IHO1: variants seen among roughly 807,000 people sequenced by gnomAD.
IHO1 encodes interactor of HORMAD1 protein 1.
A neutral mutation model predicts 31.0 loss-of-function variants in IHO1; 13 were observed. That is an observed-to-expected ratio of 0.42 (90% CI 0.27 to 0.67). The LOEUF (loss-of-function observed/expected upper bound fraction) is 0.67. IHO1 is among the 30% of genes least tolerant of loss of function. IHO1 has a pLI of 0.24. For missense variants in IHO1, 599 were observed against 687.5 expected (o/e 0.87, Z 1.44); for synonymous variants, 221 against 248.4 (o/e 0.89, Z 1.04).
chr3:49,200,848 A>G (rs1349256461), intron 1 of IHO1, among the ~76,000 whole-genome samples: 1 of 152,170 alleles, frequency 6.6e-6, no homozygotes, highest in Admixed American at 6.6e-5. Flanking sequence ...CTTTAGAGAG[A>G]TGGGATTTCC....
intron 2 of IHO1, among the ~76,000 whole-genome samples, chr3:49,221,628 G>C (rs923862195): frequency 6.6e-6 from 1 of 152,244 alleles, no homozygotes; most frequent in Non-Finnish European, 1.5e-5. Flanking sequence ...GTCCTCCAGA[G>C]GGGAACTCTC....
chr3:49,257,387 C>CA lies in IHO1; in HGVS notation c.*106dup. The CA allele has an allele frequency of 8.5e-7, 1 of 1,170,316 alleles. No individual in the cohort carries two copies. The highest frequency in any genetic ancestry group is 1.2e-6 in the Non-Finnish European group (1 of 817,182). The allele number at this position is 1,170,316 out of a possible 1,614,324, so 72.5% of individuals were successfully genotyped here. ...CTGAAGCCTGCCAAGTACCCAGGGT[C>CA]AGAGGCCCTGCTGAGGTGGGGCAAT... On this transcript the variant is annotated 3_prime_UTR_variant, in exon 8 of 8. Transcript: ENST00000452691.
chr3:49,227,704 C>T (rs145133534), intron 2 of IHO1, among the ~76,000 whole-genome samples: 46 of 152,248 alleles, frequency 3.0e-4, no homozygotes, highest in Admixed American at 2.7e-3. Context: ...GACTTTGCCC[C>T]GTCCTATAAA....
upstream of IHO1, among the ~76,000 whole-genome samples, chr3:49,196,683 T>G (rs2045998657): frequency 6.7e-6 from 1 of 149,820 alleles, no homozygotes; most frequent in Non-Finnish European, 1.5e-5. Context: ...TTGATTGATT[T>G]TTTTTGAGAC....
At chr3:49,250,216 G>C (rs2046743322) in intron 6 of IHO1, among the ~76,000 whole-genome samples, 1 of 152,178 alleles carries the variant, frequency 6.6e-6, no homozygotes. Flanking sequence ...TCCAGGAAGA[G>C]AGACCAAGGT....
At chr3:49,253,547 C>T (rs1262933753) in intron 6 of IHO1, among the ~76,000 whole-genome samples, 1 of 152,128 alleles carries the variant, frequency 6.6e-6, no homozygotes, top group Non-Finnish European at 1.5e-5. Context: ...GCCCCTTGCT[C>T]ACCATGTTTC....
At chr3:49,202,878 C>T (rs1231022653) in intron 1 of IHO1, among the ~76,000 whole-genome samples, 15 of 112,666 alleles carry the variant, frequency 1.3e-4, no homozygotes, top group East Asian at 5.0e-4. Flanking sequence ...TTTTTTGAGA[C>T]GGAGTCTCGC....
intron 6 of IHO1, among the ~76,000 whole-genome samples, chr3:49,252,494 C>A (rs997013627): frequency 9.2e-5 from 14 of 151,990 alleles, no homozygotes; most frequent in African/African-American, 3.4e-4. Context: ...TCACAGCTGA[C>A]TGTAGCTTTG....
At chr3:49,195,027 G>T (rs1414770584), upstream of IHO1, among the ~76,000 whole-genome samples, 1 of 151,950 alleles carries the variant, frequency 6.6e-6, no homozygotes, top group African/African-American at 2.4e-5. Flanking sequence ...AAGGCAGGCA[G>T]GTTGCTTGAG....
At chr3:49,200,481 A>AAGAAAGAAAGAG (rs2046047871) in intron 1 of IHO1, 1 of 472,620 alleles carries the variant, frequency 2.1e-6, no homozygotes, top group South Asian at 9.7e-5. Flanking sequence ...AAAAAAAAGA[A>AAGAAAGAAAGAG]AGAAAGAAAG....
upstream of IHO1, among the ~76,000 whole-genome samples, chr3:49,197,228 G>A (rs934242485): frequency 2.7e-5 from 4 of 149,100 alleles, no homozygotes; most frequent in Admixed American, 2.0e-4. Flanking sequence ...CTGACCTCGT[G>A]ATCTGCCCAC....
At position 49,256,378 on chromosome 3, in the gene IHO1, C is replaced by A. The variant is rs745984676; in HGVS notation, c.881C>A (p.Pro294Gln). The A allele has an allele frequency of 6.2e-7, 1 of 1,614,200 alleles. No individual in the cohort carries two copies. The highest frequency in any genetic ancestry group is 8.5e-7 in the Non-Finnish European group (1 of 1,180,050). ...TRQEKYTSEKPVLWQAQALPA... is the reference protein window; with the variant it reads ...TRQEKYTSEKQVLWQAQALPA... Reference sequence around the variant, plus strand: ...CAGGAAAAATACACCTCTGAGAAACCAGTTTTATGGCAGGCCCAGGCCCTC... The same window carrying A: ...CAGGAAAAATACACCTCTGAGAAACAAGTTTTATGGCAGGCCCAGGCCCTC... Residue 294 changes from proline to glutamine, a missense_variant, in exon 8 of 8, where the codon CCA (proline) becomes CAA (glutamine). Transcript: ENST00000452691. This position sits in a 1 kb window ranked among gnomAD's most constrained non-coding sequence, Gnocchi z 4.6.
At chr3:49,195,770 G>C (rs764612009), upstream of IHO1, among the ~76,000 whole-genome samples, 2 of 151,566 alleles carry the variant, frequency 1.3e-5, no homozygotes, top group Non-Finnish European at 2.9e-5. Flanking sequence ...TATAAATAAA[G>C]TGTGCATAGG....
intron 1 of IHO1, among the ~76,000 whole-genome samples, chr3:49,201,634 G>A (rs2046070879): frequency 6.6e-6 from 1 of 151,424 alleles, no homozygotes; most frequent in African/African-American, 2.4e-5. Context: ...AAAAAAATTG[G>A]GCTGGGTGTG....
Position 49,256,619 on chromosome 3 carries a change from C to T in IHO1, c.1122C>T (p.Val374=). ...KTGAKNHGSS[V]PGHKIPSDRD... is the part of the protein sequence containing the mutation. ...GTGCCAAGAACCATGGTTCCAGCGT[C>T]CCAGGCCATAAGATTCCCAGTGACA... The change falls in exon 8 of 8, where the codon GTC becomes GTT. Residue 374 remains valine (V), a synonymous_variant. Transcript: ENST00000452691. The surrounding 1 kb of genome is among the most constrained non-coding windows in gnomAD (Gnocchi z 4.6). The T allele has an allele frequency of 6.2e-7, 1 of 1,614,196 alleles. No homozygotes were observed. The highest frequency in any genetic ancestry group is 8.5e-7 in the Non-Finnish European group (1 of 1,180,024).
rs752732783 is a variant in IHO1 at position 49,238,863 on chromosome 3, G to A, written c.231+2141G>A. ...GAGAAAAACCTGCTTTCCCACCCTCGCCTGGGAATGGGAGGAGAGGGGACT... is the reference window on the plus strand; with the variant it reads ...GAGAAAAACCTGCTTTCCCACCCTCACCTGGGAATGGGAGGAGAGGGGACT... On this transcript the variant is annotated intron_variant, in intron 3 of 7. Coordinates refer to ENST00000452691, the MANE Select transcript of IHO1 (RefSeq NM_001135197.2). Among the ~76,000 whole-genome samples the A allele has an allele frequency of 2.6e-5, 4 of 152,144 alleles. No individual in the cohort carries two copies. The South Asian group carries it at 8.3e-4, about 31-fold the overall frequency.
At chr3:49,209,283 T>C (rs932066487) in intron 1 of IHO1, among the ~76,000 whole-genome samples, 3 of 152,162 alleles carry the variant, frequency 2.0e-5, no homozygotes, top group African/African-American at 7.2e-5. Flanking sequence ...CTCCTTAGAC[T>C]CACCCCTTTG....
chr3:49,205,955 TTTTC>T (rs1042048579), intron 1 of IHO1, among the ~76,000 whole-genome samples: 2 of 150,084 alleles, frequency 1.3e-5, no homozygotes, highest in Admixed American at 6.7e-5. Context: ...TTTTTTTTTC[TTTTC>T]TTTCTTTCTT....
chr3:49,226,387 G>C (rs570619645), intron 2 of IHO1, among the ~76,000 whole-genome samples: 1 of 152,292 alleles, frequency 6.6e-6, no homozygotes, highest in East Asian at 1.9e-4. Context: ...GGTGACAGGG[G>C]AGTATATTTT....
Sources: allele counts gnomAD v4.1 joint callset (sites outside exome capture counted in the v4.1 genomes callset), GRCh38; gene constraint gnomAD v4.1.1; non-coding constraint Gnocchi (gnomAD v3.1); transcripts MANE v1.5; gene names NCBI Gene and HGNC (gene_info 2026-07-23, HGNC 2026-07-21).